Variants in TMPRSS5 observed in about 807,000 individuals in gnomAD.
The protein encoded by TMPRSS5 is transmembrane protease serine 5.
TMPRSS5 carries 45 observed loss-of-function variants against 59.7 expected under a neutral mutation model. That is an observed-to-expected ratio of 0.75 (90% confidence interval 0.59 to 0.97). TMPRSS5 has a LOEUF of 0.97. Ranked by LOEUF, TMPRSS5 falls within the 50% of genes least tolerant of loss-of-function variation. TMPRSS5 has a pLI of 0.00. For missense variants in TMPRSS5, 585 were observed against 596.7 expected, an observed-to-expected ratio of 0.98 and a Z score of 0.20; for synonymous variants, 225 against 232.0, an observed-to-expected ratio of 0.97 and a Z score of 0.27.
intron 2 of TMPRSS5, 47 bp from the exon 3 acceptor site, chr11:113,699,740 C>G: frequency 6.5e-7 from 1 of 1,533,752 alleles, no homozygotes; most frequent in Non-Finnish European, 8.8e-7. Context: ...CTCCTGCCAG[C>G]CTGCCTTACT....
intron 5 of TMPRSS5, 77 bp from the exon 6 acceptor site, chr11:113,697,048 C>G: frequency 8.2e-7 from 1 of 1,224,766 alleles, no homozygotes; most frequent in Non-Finnish European, 1.2e-6. Flanking sequence ...GTATAGTGAC[C>G]GCAAGACTGT....
At chr11:113,692,144 T>G (rs1414982627) in intron 9 of TMPRSS5, among the ~76,000 whole-genome samples, 21 of 152,096 alleles carry the variant, frequency 1.4e-4, no homozygotes, top group Non-Finnish European at 2.6e-4. Flanking sequence ...CACCTCACCC[T>G]CCCAAAGTGC....
At chr11:113,700,775 T>A (rs1953109811) in intron 1 of TMPRSS5, among the ~76,000 whole-genome samples, 1 of 152,248 alleles carries the variant, frequency 6.6e-6, no homozygotes, top group African/African-American at 2.4e-5. Flanking sequence ...AAAGTTCAGC[T>A]AAACTACCTG....
intron 12 of TMPRSS5, among the ~76,000 whole-genome samples, chr11:113,689,547 C>G (rs962432188): frequency 6.6e-6 from 1 of 152,076 alleles, no homozygotes; most frequent in African/African-American, 2.4e-5. Flanking sequence ...ATCTGGGATA[C>G]AAACTCAGGC....
chr11:113,690,180 T>TCCCCCCCCCCCCCCCCCCCCCCCCCCC, intron 11 of TMPRSS5, 51 bp downstream of exon 11: 2 of 187,990 alleles, frequency 1.1e-5, no homozygotes, highest in Non-Finnish European at 1.8e-5. Context: ...CCCCCTGCCC[T>TCCCCCCCCCCCCCCCCCCCCCCCCCCC]CCCACCCCCA....
At chr11:113,694,184 G>A (rs141362963) in intron 8 of TMPRSS5, among the ~76,000 whole-genome samples, 3,266 of 149,380 alleles carry the variant, frequency 0.022, 116 homozygotes, top group African/African-American at 0.076. Context: ...GGTGAAGGTT[G>A]CAGTGAGCCA....
At chr11:113,699,251 CTCTCTCT>C (rs1953034870) in intron 3 of TMPRSS5, among the ~76,000 whole-genome samples, 2 of 84,638 alleles carry the variant, frequency 2.4e-5, no homozygotes, top group East Asian at 3.7e-4. Context: ...CTCTCTCTCT[CTCTCTCT>C]CTCTCTCTCT....
intron 1 of TMPRSS5, among the ~76,000 whole-genome samples, chr11:113,700,971 C>G (rs1953114836): frequency 6.6e-6 from 1 of 152,196 alleles, no homozygotes; most frequent in South Asian, 2.1e-4. Context: ...GGCTTTTTCC[C>G]TCTCCACTCT....
Position 113,688,079 on chromosome 11 carries a change from A to G in TMPRSS5, c.*181T>C, listed in dbSNP as rs985714731. The G allele has an allele frequency of 4.2e-6, 4 of 950,094 alleles. No individual in the cohort carries two copies. The South Asian group carries it at 1.1e-4, about 25-fold the overall frequency. 58.9% of individuals were successfully genotyped at this position (950,094 alleles called of 1,614,324 possible). A position where few individuals can be genotyped will look rare whatever the true frequency, so the allele number is the denominator to read the frequency against. On this transcript the variant is annotated 3_prime_UTR_variant, in exon 13 of 13. Transcript: ENST00000299882. Reference sequence around the variant, plus strand: ...GAGGACTCTGAAATCAGGGCCCAAGAGGAGAGACCTGTTGGCTGGGTGGCT... The same window carrying G: ...GAGGACTCTGAAATCAGGGCCCAAGGGGAGAGACCTGTTGGCTGGGTGGCT...
At chr11:113,705,992 T>C (rs1236458745) in intron 1 of TMPRSS5, among the ~76,000 whole-genome samples, 1 of 152,212 alleles carries the variant, frequency 6.6e-6, no homozygotes, top group Non-Finnish European at 1.5e-5. Context: ...GCACCACATA[T>C]GTGCAAAGCA....
chr11:113,689,858 C>G lies in TMPRSS5; in HGVS notation c.1266G>C (p.Val422=), dbSNP rs1952713351. ...PDGDTWRLVG[V]VSWGRGCAEP... is the part of the protein sequence containing the mutation. ...CTGCGCAGCCACGCCCCCAGCTGAC[C>G]ACCCCCACTAGGCGCCATGTGTCCC... Residue 422 remains valine, a synonymous_variant, in exon 12 of 13, where the codon GTG becomes GTC. Coordinates refer to ENST00000299882, the MANE Select transcript of TMPRSS5 (RefSeq NM_030770.4). 1.9e-6 allele frequency: 3 copies of G among 1,586,138 alleles called. No homozygotes were observed. Among genetic ancestry groups the G allele is most frequent in the East Asian group, 4.6e-5 (2 of 43,328 alleles).
intron 4 of TMPRSS5, 32 bp downstream of exon 4, chr11:113,698,872 AG>A: frequency 6.4e-7 from 1 of 1,568,134 alleles, no homozygotes; most frequent in Non-Finnish European, 8.6e-7. Flanking sequence ...CCTGCTGGGG[AG>A]GGAGGCCCGT....
At chr11:113,694,132 A>G (rs936436280) in intron 8 of TMPRSS5, among the ~76,000 whole-genome samples, 1 of 150,826 alleles carries the variant, frequency 6.6e-6, no homozygotes, top group Non-Finnish European at 1.5e-5. Context: ...AGCTGAACAT[A>G]GTGGTGCCCA....
chr11:113,695,484 G>T (rs558763766), intron 6 of TMPRSS5, 41 bp from the exon 7 acceptor site: 1 of 1,605,956 alleles, frequency 6.2e-7, no homozygotes, highest in East Asian at 2.2e-5. Context: ...GGCAGGGGCC[G>T]CCCTGCAGCC....
chr11:113,700,534 A>G (rs1006663140), intron 1 of TMPRSS5, among the ~76,000 whole-genome samples: 6 of 152,118 alleles, frequency 3.9e-5, no homozygotes, highest in African/African-American at 1.4e-4. Flanking sequence ...ACCCTTCTTC[A>G]TTCCCTCCTA....
chr11:113,697,203 G>A (rs557980436), intron 5 of TMPRSS5, 80 bp downstream of exon 5: 120 of 1,528,370 alleles, frequency 7.9e-5, no homozygotes, highest in East Asian at 6.1e-4. Flanking sequence ...GACCAGTGAC[G>A]GGCAGGTAGA....
rs45445396 is a variant in TMPRSS5 at position 113,696,625 on chromosome 11, A to C, written c.578+233T>G. On this transcript the variant is annotated intron_variant, in intron 6 of 12. Coordinates refer to ENST00000299882, the MANE Select transcript of TMPRSS5 (RefSeq NM_030770.4). ...GAGTACCATGTCAAATCTTGTGACA[A>C]TAATAACCAACCCTACATTTCTTGT... Among the ~76,000 whole-genome samples the C allele has an allele frequency of 3.3e-5, 5 of 152,344 alleles. No homozygotes were observed. In the South Asian group the frequency reaches 8.3e-4, roughly 25 times the overall value.
chr11:113,693,186 G>A lies in TMPRSS5; in HGVS notation c.849C>T (p.Val283=). 3 of 1,601,590 alleles carry A rather than the reference G, an allele frequency of 1.9e-6. No homozygotes were observed. Among genetic ancestry groups the A allele is most frequent in the Non-Finnish European group, 2.6e-6 (3 of 1,174,090 alleles). ...CCACCAGAGCCCCTTGGTGGGGCCT[G>A]ACGGCACTGTGGCTGACCAGCCCCG... ...VHAGLVSHSA[V]RPHQGALVER... Residue 283 remains valine (V), a synonymous_variant, in exon 9 of 13, where the codon GTC becomes GTT. Transcript: ENST00000299882.
chr11:113,690,864 C>A lies in TMPRSS5; in HGVS notation c.1040G>T (p.Trp347Leu). The change falls in exon 10 of 13, where the codon TGG (tryptophan) becomes TTG (leucine). Residue 347 changes from tryptophan (W) to leucine (L), a missense_variant. Physicochemically the swap from Trp to Leu is moderately conservative, Grantham distance 61. Coordinates refer to ENST00000299882, the MANE Select transcript of TMPRSS5 (RefSeq NM_030770.4). ...ACTATGGCTAGGGTGGGTGTGGCCCCAGCCAGACACCCAGCACCGCGAGCC... is the reference window on the plus strand; with the variant it reads ...ACTATGGCTAGGGTGGGTGTGGCCCAAGCCAGACACCCAGCACCGCGAGCC... ...PKGSRCWVSG[W>L]GHTHPSHTYS... The A allele has an allele frequency of 6.3e-7, 1 of 1,593,190 alleles. No individual in the cohort carries two copies. The highest frequency in any genetic ancestry group is 8.5e-7 in the Non-Finnish European group (1 of 1,170,816).
Sources: gnomAD v4.1 joint callset for allele counts (sites outside exome capture counted in the v4.1 genomes callset) on GRCh38, gnomAD v4.1.1 for gene constraint, MANE v1.5 for transcripts, NCBI Gene and HGNC (gene_info 2026-07-23, HGNC 2026-07-21) for gene names.